CLDN11: variants seen among roughly 807,000 people sequenced by gnomAD.
CLDN11 encodes claudin 11, also known as claudin-11.
Under a neutral mutation model 18.0 loss-of-function variants are expected in CLDN11, and 1 was observed. The observed-to-expected ratio is 0.06, with a 90% CI of 0.02 to 0.26. The LOEUF is 0.26. CLDN11 is among the 10% of genes least tolerant of loss of function. The pLI, the probability that CLDN11 is intolerant of heterozygous loss-of-function variation, is 1.00. For synonymous variants in CLDN11, 116 were observed against 121.5 expected, an observed-to-expected ratio of 0.96 and a Z score of 0.30; for missense variants, 172 against 276.6, an observed-to-expected ratio of 0.62 and a Z score of 2.68.
chr3:170,419,004 T>TG lies in CLDN11; in HGVS notation c.-62dup. 1 of 1,256,016 alleles carries TG rather than the reference T, an allele frequency of 8.0e-7. No homozygotes were observed. Among genetic ancestry groups the TG allele is most frequent in the Non-Finnish European group, 1.1e-6 (1 of 884,836 alleles). The allele number at this position is 1,256,016 out of a possible 1,614,324, so 77.8% of individuals were successfully genotyped here. ...GTGGGAGACGTACCTGGGCAGGCAC[T>TG]GTCCAGCCCAGGCCCAGGCACAGCC... On this transcript the variant is annotated 5_prime_UTR_variant, in exon 1 of 3. Coordinates refer to ENST00000064724, the MANE Select transcript of CLDN11 (RefSeq NM_005602.6). The surrounding 1 kb of genome is among the most constrained non-coding windows in gnomAD (Gnocchi z 8.6).
chr3:170,432,362 C>T (rs187863554), intron 2 of CLDN11, among the ~76,000 whole-genome samples, 162 bp from the exon 3 acceptor site: 34 of 152,298 alleles, frequency 2.2e-4, no homozygotes, highest in South Asian at 4.1e-4. Context: ...CAGATGCCAA[C>T]TGCTACATAT....
At chr3:170,427,219 A>G (rs1286405293) in intron 2 of CLDN11, among the ~76,000 whole-genome samples, 1 of 152,226 alleles carries the variant, frequency 6.6e-6, no homozygotes, top group African/African-American at 2.4e-5. Context: ...AGGAAATCTT[A>G]GATAGCATAT....
chr3:170,432,234 T>C (rs1406131124), intron 2 of CLDN11, among the ~76,000 whole-genome samples: 1 of 152,258 alleles, frequency 6.6e-6, no homozygotes, highest in African/African-American at 2.4e-5. Flanking sequence ...GATATACAAG[T>C]AAATACAAAT....
intron 1 of CLDN11, among the ~76,000 whole-genome samples, chr3:170,422,786 C>T (rs1738754992): frequency 2.0e-5 from 3 of 152,198 alleles, no homozygotes; most frequent in Non-Finnish European, 4.4e-5. Flanking sequence ...CAAGGTCACA[C>T]AGGTAGAGCT....
chr3:170,425,396 T>C (rs1738829624), intron 2 of CLDN11, among the ~76,000 whole-genome samples: 1 of 152,100 alleles, frequency 6.6e-6, no homozygotes, highest in Admixed American at 6.5e-5. Flanking sequence ...AAAACAAACA[T>C]ACAAACCCTG....
At chr3:170,427,237 GA>G (rs1425814990) in intron 2 of CLDN11, among the ~76,000 whole-genome samples, 1 of 152,120 alleles carries the variant, frequency 6.6e-6, no homozygotes, top group Non-Finnish European at 1.5e-5. Context: ...TATCAAGAAA[GA>G]TTTTTTTCGC....
Position 170,418,868 on chromosome 3 carries a change from A to C in CLDN11, c.-199A>C. On this transcript the variant is annotated 5_prime_UTR_variant, in exon 1 of 3. Coordinates refer to ENST00000064724, the MANE Select transcript of CLDN11 (RefSeq NM_005602.6). This position sits in a 1 kb window ranked among gnomAD's most constrained non-coding sequence, Gnocchi z 4.3. ...AGGGGGCGGGGGCGCGCTGCCCAGC[A>C]GCGCTGCTGTCCCCGCCGTGCGCCC... The C allele has an allele frequency of 4.3e-6, 2 of 468,084 alleles. No individual in the cohort carries two copies. Among genetic ancestry groups the C allele is most frequent in the Admixed American group, 3.9e-5 (1 of 25,332 alleles). The allele number at this position is 468,084 out of a possible 1,614,324, so 29.0% of individuals were successfully genotyped here. A position where few individuals can be genotyped will look rare whatever the true frequency, so the allele number is the denominator to read the frequency against.
In CLDN11 at chr3:170,428,865, T is replaced by G. The variant is rs79821184; in HGVS notation, c.392-3659T>G. ...GAACAAAAATTCCCTTTGTCTGTCT[T>G]CAATTTTCTTGACCTTACAGGTAAC... On this transcript the variant is annotated intron_variant, in intron 2 of 2. Transcript: ENST00000064724. Among the ~76,000 whole-genome samples the G allele has an allele frequency of 5.3e-3, 808 of 152,336 alleles. 24 individuals carry two copies. In the East Asian group the frequency reaches 0.081, roughly 15 times the overall value.
chr3:170,420,057 G>T (rs778396186), intron 1 of CLDN11, among the ~76,000 whole-genome samples: 4 of 152,218 alleles, frequency 2.6e-5, no homozygotes, highest in African/African-American at 7.2e-5. Context: ...GGGGAGATAC[G>T]GAGCGCGCCG....
intron 2 of CLDN11, among the ~76,000 whole-genome samples, chr3:170,424,962 CAGG>C (rs1370526663): frequency 2.0e-5 from 3 of 151,542 alleles, no homozygotes; most frequent in Non-Finnish European, 2.9e-5. Context: ...TGTGTGTTAA[CAGG>C]AGTGAAAAGG....
chr3:170,432,394 G>C, intron 2 of CLDN11, 130 bp from the exon 3 acceptor site: 1 of 1,486,292 alleles, frequency 6.7e-7, no homozygotes, highest in Non-Finnish European at 9.0e-7. Flanking sequence ...TGAGGGAGCA[G>C]AACTGTGTGT....
rs1577474243 is a variant in CLDN11, at chr3:170,432,624, T to G, written c.492T>G (p.Gly164=). The G allele has an allele frequency of 6.2e-7, 1 of 1,614,038 alleles. No homozygotes were observed. The highest frequency in any genetic ancestry group is 8.5e-7 in the Non-Finnish European group (1 of 1,180,036). Residue 164 remains glycine, a synonymous_variant, in exon 3 of 3, where the codon GGT becomes GGG. Transcript: ENST00000064724. ...ACTCCCTGTATGCAGGCTGGATTGG[T>G]GCTGTGCTGTGCCTCGTGGGTGGCT... The part of the protein sequence containing the change: ...FGYSLYAGWI[G]AVLCLVGGCV...
intron 2 of CLDN11, among the ~76,000 whole-genome samples, chr3:170,427,963 C>T (rs772176011): frequency 1.1e-4 from 17 of 151,946 alleles, no homozygotes; most frequent in Admixed American, 3.3e-4. Flanking sequence ...TCGAAACCAG[C>T]CTGGCCAACA....
In CLDN11 at chr3:170,432,732, T is replaced by G. The variant is rs1560236500; in HGVS notation, c.600T>G (p.Thr200=). 1 of 1,614,212 alleles carries G rather than the reference T, an allele frequency of 6.2e-7. No homozygotes were observed. The highest frequency in any genetic ancestry group is 2.2e-5 in the East Asian group (1 of 44,892). Residue 200 remains threonine (T), a synonymous_variant, in exon 3 of 3, where the codon ACT becomes ACG. Transcript: ENST00000064724. ...ACACTGCGGGCTCTAGCTCCCCGACTCATGCGAAGAGTGCCCACGTATAAG... is the reference window on the plus strand; with the variant it reads ...ACACTGCGGGCTCTAGCTCCCCGACGCATGCGAAGAGTGCCCACGTATAAG... ...FYYTAGSSSP[T]HAKSAHV
Position 170,418,915 on chromosome 3 carries a change from T to A in CLDN11, c.-152T>A. Reference sequence around the variant, plus strand: ...GCCCTTCGCCGCTGAGCTCGCAGCCTCCGGCGCCCACCTCCACCTCCAGTG... The same window carrying A: ...GCCCTTCGCCGCTGAGCTCGCAGCCACCGGCGCCCACCTCCACCTCCAGTG... On this transcript the variant is annotated 5_prime_UTR_variant, in exon 1 of 3. Transcript: ENST00000064724. The surrounding 1 kb of genome is among the most constrained non-coding windows in gnomAD (Gnocchi z 4.3). 1 of 606,946 alleles carries A rather than the reference T, an allele frequency of 1.6e-6. No homozygotes were observed. The allele number at this position is 606,946 out of a possible 1,614,324, so 37.6% of individuals were successfully genotyped here.
Position 170,432,510 on chromosome 3 carries a change from C to A in CLDN11, c.392-14C>A. 15 of 1,611,122 alleles carry A rather than the reference C, an allele frequency of 9.3e-6. No individual in the cohort carries two copies. Among genetic ancestry groups the A allele is most frequent in the Non-Finnish European group, 1.3e-5 (15 of 1,180,006 alleles). ...ATGGTTGCGCCCAGTCACCGCCTCTCCATGTCTCTCCAGCTCTCTGCGCCC... is the reference window on the plus strand; with the variant it reads ...ATGGTTGCGCCCAGTCACCGCCTCTACATGTCTCTCCAGCTCTCTGCGCCC... On this transcript the variant is annotated splice_polypyrimidine_tract_variant and intron_variant, in intron 2 of 2. Transcript: ENST00000064724.
chr3:170,420,157 A>AT (rs1167300285), intron 1 of CLDN11, among the ~76,000 whole-genome samples: 1 of 152,202 alleles, frequency 6.6e-6, no homozygotes, highest in African/African-American at 2.4e-5. Flanking sequence ...CAGGGGCCAC[A>AT]TTTTCACATG....
At chr3:170,431,325 A>C (rs1577473548) in intron 2 of CLDN11, among the ~76,000 whole-genome samples, 1 of 152,106 alleles carries the variant, frequency 6.6e-6, no homozygotes, top group African/African-American at 2.4e-5. Flanking sequence ...ATCTGTCTTG[A>C]ATTTGTTGAT....
intron 2 of CLDN11, among the ~76,000 whole-genome samples, chr3:170,424,350 C>T (rs958606547): frequency 6.6e-6 from 1 of 152,120 alleles, no homozygotes; most frequent in African/African-American, 2.4e-5. Context: ...GTGGAAGAAC[C>T]CAGCAGTAAG....
Sources: allele counts gnomAD v4.1 joint callset (sites outside exome capture counted in the v4.1 genomes callset), GRCh38; gene constraint gnomAD v4.1.1; non-coding constraint Gnocchi (gnomAD v3.1); transcripts MANE v1.5; gene names NCBI Gene and HGNC (gene_info 2026-07-23, HGNC 2026-07-21).